MYH7B: variants seen among roughly 807,000 people sequenced by gnomAD.
MYH7B encodes myosin-7B.
A neutral mutation model predicts 234.5 loss-of-function variants in MYH7B; 205 were observed. That is an observed-to-expected ratio of 0.87 (90% CI 0.78 to 0.98). MYH7B has a LOEUF of 0.98. MYH7B is among the 50% of genes least tolerant of loss of function. The probability of loss-of-function intolerance (pLI) is 0.00; values close to 1 mark genes in which losing one functional copy is unlikely to be tolerated. For missense variants in MYH7B, 2,652 were observed against 2,633.4 expected (o/e 1.01, Z -0.15); for synonymous variants, 1,193 against 1,105.0 (o/e 1.08, Z -1.58).
exon 20 of MYH7B, chr20:34,989,745 G>A (rs2082104352): frequency 1.2e-6 from 2 of 1,613,746 alleles, no homozygotes; most frequent in Non-Finnish European, 1.7e-6. Flanking sequence ...CCCAGCCACT[G>A]GGCATCCTGT....
chr20:35,000,901 TG>T lies in MYH7B; in HGVS notation c.5304+11del. On this transcript the variant is annotated intron_variant, in intron 40 of 44. Transcript: ENST00000262873. Reference sequence around the variant, plus strand: ...AAAAAGGCCATCACTGATGTGAGGCTGGGCAAGGGCTGTGGGGAGCCTGGGA... The same window carrying T: ...AAAAAGGCCATCACTGATGTGAGGCTGGCAAGGGCTGTGGGGAGCCTGGGA... The T allele has an allele frequency of 9.4e-7, 1 of 1,064,164 alleles. No homozygotes were observed. The allele number at this position is 1,064,164 out of a possible 1,614,324, so 65.9% of individuals were successfully genotyped here. A position where few individuals can be genotyped will look rare whatever the true frequency, so the allele number is the denominator to read the frequency against.
rs759060498 is a variant in MYH7B at position 34,995,455 on chromosome 20, C to T, written c.2820C>T (p.Asn940=). 70 of 1,613,470 alleles carry T rather than the reference C, an allele frequency of 4.3e-5. No homozygotes were observed. The highest frequency in any genetic ancestry group is 8.3e-5 in the Admixed American group (5 of 59,914). Reference sequence around the variant, plus strand: ...GGCTGGAGGATGAGGAGGAGGTGAACGCTGACCTGGCCGCCCGCCGGCGCA... The same window carrying T: ...GGCTGGAGGATGAGGAGGAGGTGAATGCTGACCTGGCCGCCCGCCGGCGCA... The change falls in exon 28 of 45, where the codon AAC becomes AAT. Residue 940 remains asparagine, a synonymous_variant. Transcript: ENST00000262873.
intron 19 of MYH7B, 68 bp downstream of exon 19, chr20:34,988,330 ACC>A: frequency 6.5e-7 from 1 of 1,534,406 alleles, no homozygotes; most frequent in South Asian, 1.2e-5. Context: ...GGGATGGATG[ACC>A]ATGGCTTGCA....
intron 15 of MYH7B, 33 bp from the exon 16 acceptor site, chr20:34,987,116 C>T (rs1294713004): frequency 1.2e-6 from 2 of 1,612,276 alleles, no homozygotes; most frequent in Non-Finnish European, 1.7e-6. Flanking sequence ...GAGCCCAGAC[C>T]TCTCTGAACT....
intron 10 of MYH7B, among the ~76,000 whole-genome samples, chr20:34,983,273 TTTTTTC>T (rs1345436850): frequency 1.3e-4 from 19 of 141,732 alleles, no homozygotes; most frequent in East Asian, 1.0e-3. Context: ...TTTCTCTTTC[TTTTTTC>T]TTTCTTTTCT....
rs115067904 is a variant in MYH7B, at chr20:34,969,480, A to G, written c.-221-5920A>G. Among the ~76,000 whole-genome samples, 716 of 151,886 alleles carry G rather than the reference A, an allele frequency of 4.7e-3. 10 individuals are homozygous for G. Among genetic ancestry groups the G allele is most frequent in the African/African-American group, 0.017 (692 of 41,356 alleles). ...CCATAGATAAGCACACAGATGCACA[A>G]ATGTCTCTCTCCCCCGATTTTTACG... On this transcript the variant is annotated intron_variant, in intron 2 of 44. Coordinates refer to ENST00000262873, the Ensembl canonical transcript of MYH7B.
exon 30 of MYH7B, chr20:34,996,726 A>G: frequency 6.2e-7 from 1 of 1,613,208 alleles, no homozygotes; most frequent in Non-Finnish European, 8.5e-7. Flanking sequence ...ATGCTGCTCA[A>G]GACAAGCAGC....
At chr20:34,979,612 C>T (rs996970533) in intron 6 of MYH7B, 49 bp from the exon 7 acceptor site, 15 of 1,611,150 alleles carry the variant, frequency 9.3e-6, no homozygotes, top group African/African-American at 2.7e-5. Context: ...CAGGTGAGGT[C>T]GGTCGGTTCC....
intron 2 of MYH7B, among the ~76,000 whole-genome samples, chr20:34,965,630 C>A (rs1252173212): frequency 6.6e-6 from 1 of 152,206 alleles, no homozygotes; most frequent in Non-Finnish European, 1.5e-5. Context: ...GTAATACACT[C>A]AGAAATGGGG....
chr20:34,979,459 C>T (rs1294210226), exon 6 of MYH7B: 5 of 1,613,910 alleles, frequency 3.1e-6, no homozygotes, highest in Non-Finnish European at 4.2e-6. Context: ...TCGGAGGCTA[C>T]CGGGGGCAGA....
chr20:34,995,810 G>A (rs1216042193), intron 28 of MYH7B, among the ~76,000 whole-genome samples: 1 of 152,266 alleles, frequency 6.6e-6, no homozygotes, highest in Non-Finnish European at 1.5e-5. Flanking sequence ...CACGCTCCTA[G>A]GCCTTGCACA....
At chr20:34,970,886 G>A (rs1044836077) in intron 2 of MYH7B, among the ~76,000 whole-genome samples, 3 of 152,124 alleles carry the variant, frequency 2.0e-5, no homozygotes, top group African/African-American at 7.2e-5. Flanking sequence ...ATCAAATATC[G>A]ACAATACTCA....
chr20:34,965,814 C>T (rs1380015234), intron 2 of MYH7B, among the ~76,000 whole-genome samples: 2 of 152,136 alleles, frequency 1.3e-5, no homozygotes, highest in African/African-American at 4.8e-5. Flanking sequence ...GTCCCTGAGA[C>T]AGAAAGGAGC....
chr20:34,963,221 GCAGTTGGTTGAATACA>G lies in MYH7B; in HGVS notation c.-222+5013_-222+5028del, dbSNP rs2081714314. Among the ~76,000 whole-genome samples the G allele has an allele frequency of 4.6e-5, 7 of 152,384 alleles. No homozygotes were observed. The South Asian group carries it at 1.4e-3, about 32-fold the overall frequency. On this transcript the variant is annotated intron_variant, in intron 2 of 44. Coordinates refer to ENST00000262873, the Ensembl canonical transcript of MYH7B. The stretch of plus-strand genomic sequence containing the variant: ...CATTGTTTTCAAATATTTTCAAGCT[GCAGTTGGTTGAATACA>G]CAGATGTGGAACCCATGGATATGGA...
At chr20:35,000,840 G>T in exon 40 of MYH7B, 1 of 1,613,950 alleles carries the variant, frequency 6.2e-7, no homozygotes, top group Non-Finnish European at 8.5e-7. Context: ...GGTGGAGGAG[G>T]CTGCACAGGA....
chr20:34,990,557 T>C, intron 22 of MYH7B, 181 bp from the exon 23 acceptor site: 5 of 794,508 alleles, frequency 6.3e-6, no homozygotes, highest in Non-Finnish European at 1.1e-5. Flanking sequence ...GGCAGGGAAG[T>C]GAAGACTTTG....
chr20:34,976,935 G>A (rs77437249), intron 3 of MYH7B, among the ~76,000 whole-genome samples: 12,224 of 152,260 alleles, frequency 0.08, 577 homozygotes, highest in South Asian at 0.13. Flanking sequence ...AGGGTACAGA[G>A]TGGAGGCACC....
At chr20:34,981,547 T>C (rs2081941269) in intron 9 of MYH7B, 3 of 166,550 alleles carry the variant, frequency 1.8e-5, no homozygotes, top group African/African-American at 7.2e-5. Context: ...CATGCGCGTA[T>C]GCAGTTAAGA....
rs778087558 is a variant in MYH7B at position 34,988,074 on chromosome 20, G to C, written c.1417-18G>C. On this transcript the variant is annotated intron_variant, in intron 18 of 44. Transcript: ENST00000262873. ...CATCTGCGAGAGGTCTGCTGAGCCA[G>C]GCCCCTCCCTCTTGTAGTTCAACAG... 6.2e-7 allele frequency: 1 copy of C among 1,605,534 alleles called. No homozygotes were observed. The highest frequency in any genetic ancestry group is 8.5e-7 in the Non-Finnish European group (1 of 1,174,690).
Sources: allele counts gnomAD v4.1 joint callset (sites outside exome capture counted in the v4.1 genomes callset), GRCh38; gene constraint gnomAD v4.1.1; transcripts MANE v1.5; gene names NCBI Gene and HGNC (gene_info 2026-07-23, HGNC 2026-07-21).